Variants in GABRG3 observed in about 807,000 individuals in gnomAD.
GABRG3 encodes gamma-aminobutyric acid receptor subunit gamma-3.
GABRG3 carries 25 observed loss-of-function variants against 48.8 expected under a neutral mutation model. The observed-to-expected ratio is 0.51, with a 90% CI of 0.37 to 0.72. GABRG3 has a LOEUF of 0.72. Ranked by LOEUF, GABRG3 falls within the 30% of genes least tolerant of loss-of-function variation. The probability of loss-of-function intolerance (pLI) is 0.00; values close to 1 mark genes in which losing one functional copy is unlikely to be tolerated. For synonymous variants in GABRG3, 227 were observed against 217.6 expected, an observed-to-expected ratio of 1.04 and a Z score of -0.38; for missense variants, 394 against 577.9, an observed-to-expected ratio of 0.68 and a Z score of 3.26.
intron 3 of GABRG3, among the ~76,000 whole-genome samples, chr15:27,241,571 T>C (rs897177): frequency 0.33 from 49,639 of 152,140 alleles, 12,475 homozygotes; most frequent in African/African-American, 0.69. Context: ...AGGCATTCAG[T>C]GACAGGACTG....
intron 6 of GABRG3, among the ~76,000 whole-genome samples, chr15:27,484,081 C>T (rs545255716): frequency 1.3e-5 from 2 of 152,226 alleles, no homozygotes; most frequent in East Asian, 1.9e-4. Flanking sequence ...ATTACAGGCT[C>T]CTGCCACCAC....
chr15:27,434,830 C>T (rs920390283), intron 5 of GABRG3, among the ~76,000 whole-genome samples: 3 of 152,206 alleles, frequency 2.0e-5, no homozygotes, highest in Admixed American at 6.5e-5. Flanking sequence ...GAAAAGGTAT[C>T]TTCCTGCATC....
intron 9 of GABRG3, among the ~76,000 whole-genome samples, chr15:27,529,690 C>A (rs555405135): frequency 2.0e-4 from 30 of 152,134 alleles, no homozygotes; most frequent in Admixed American, 5.2e-4. Context: ...ATTTTGCCAA[C>A]AAATGCTTCC....
At chr15:27,243,059 G>A (rs554939105) in intron 3 of GABRG3, among the ~76,000 whole-genome samples, 1 of 152,252 alleles carries the variant, frequency 6.6e-6, no homozygotes, top group East Asian at 1.9e-4. Flanking sequence ...AGATGATTAC[G>A]ACCCGTAGCG....
Position 27,179,956 on chromosome 15 carries a change from G to A in GABRG3, c.271-146853G>A, listed in dbSNP as rs370689114. Among the ~76,000 whole-genome samples, 53 of 152,218 alleles carry A rather than the reference G, an allele frequency of 3.5e-4. No homozygotes were observed. The highest frequency in any genetic ancestry group is 3.4e-3 in the Middle Eastern group (1 of 294). ...CGCCTCCTAGATGAGGCTGGGCGTG[G>A]CTCTGAAGAGCTGCAGCACTTCTCT... On this transcript the variant is annotated intron_variant, in intron 3 of 9. Transcript: ENST00000615808. The surrounding 1 kb of genome is among the most constrained non-coding windows in gnomAD (Gnocchi z 4.0).
intron 6 of GABRG3, among the ~76,000 whole-genome samples, chr15:27,492,143 C>G (rs541205107): frequency 2.0e-5 from 3 of 152,266 alleles, no homozygotes; most frequent in African/African-American, 7.2e-5. Flanking sequence ...TAATTATGCT[C>G]AACTTAGAAC....
chr15:27,416,295 T>C lies in GABRG3; in HGVS notation c.575-64355T>C, dbSNP rs1224868061. ...GTCCTGTGATTGGGTCTCAGGCTTT[T>C]AATGAGCCTGTGCCACTTGACTGAA... On this transcript the variant is annotated intron_variant, in intron 5 of 9. Transcript: ENST00000615808. 2.0e-5 allele frequency among the ~76,000 whole-genome samples: 3 copies of C among 152,136 alleles called. 1 individual carries two copies. In the East Asian group the frequency reaches 5.8e-4, roughly 29 times the overall value.
intron 5 of GABRG3, among the ~76,000 whole-genome samples, chr15:27,370,110 T>C (rs1038077029): frequency 1.3e-5 from 2 of 152,226 alleles, no homozygotes; most frequent in African/African-American, 4.8e-5. Context: ...CAGCAGCAAA[T>C]GCATTGAAAG....
intron 6 of GABRG3, among the ~76,000 whole-genome samples, chr15:27,506,502 A>G (rs1480703129): frequency 6.6e-6 from 1 of 152,268 alleles, no homozygotes; most frequent in South Asian, 2.1e-4. Context: ...AAGGGACTCA[A>G]TCTTGTAGCC....
At position 27,265,571 on chromosome 15, in the gene GABRG3, G is replaced by A. The variant is rs550393435; in HGVS notation, c.271-61238G>A. Among the ~76,000 whole-genome samples the A allele has an allele frequency of 4.3e-4, 65 of 152,144 alleles. 1 individual carries two copies. The highest frequency in any genetic ancestry group is 7.9e-4 in the Non-Finnish European group (54 of 68,038). On this transcript the variant is annotated intron_variant, in intron 3 of 9. Coordinates refer to ENST00000615808, the MANE Select transcript of GABRG3 (RefSeq NM_033223.5). The stretch of plus-strand genomic sequence containing the variant: ...TCACATCGGAGCGAAGGGAAGCGCC[G>A]AAAGCATTAGGCAGGGAGTTACATG...
chr15:27,008,051 C>T (rs1895620768), intron 2 of GABRG3, among the ~76,000 whole-genome samples: 2 of 152,172 alleles, frequency 1.3e-5, no homozygotes, highest in Admixed American at 1.3e-4. Flanking sequence ...CATACTACAG[C>T]TAGTGTTACA....
chr15:27,308,508 C>CAT (rs906346315), intron 3 of GABRG3, among the ~76,000 whole-genome samples: 15 of 146,562 alleles, frequency 1.0e-4, no homozygotes, highest in Admixed American at 8.9e-4. Flanking sequence ...TTTATATAAA[C>CAT]ATAATGTAAA....
intron 3 of GABRG3, among the ~76,000 whole-genome samples, chr15:27,126,950 G>T (rs1029937): frequency 6.6e-6 from 1 of 152,064 alleles, no homozygotes; most frequent in Non-Finnish European, 1.5e-5. Context: ...AACTTGGAAG[G>T]CAGGTCAGGC....
At chr15:27,389,138 AATTTAC>A (rs1896144480) in intron 5 of GABRG3, among the ~76,000 whole-genome samples, 2 of 152,212 alleles carry the variant, frequency 1.3e-5, no homozygotes, top group African/African-American at 4.8e-5. Flanking sequence ...GTAAATGGGA[AATTTAC>A]ACACAAGAAA....
intron 3 of GABRG3, among the ~76,000 whole-genome samples, chr15:27,100,217 CAAAAAAA>C (rs36148252): frequency 2.3e-5 from 3 of 130,880 alleles, no homozygotes; most frequent in African/African-American, 5.4e-5. Flanking sequence ...GACCCTGTCT[CAAAAAAA>C]AAAAAAAAAA....
chr15:27,180,115 T>C lies in GABRG3; in HGVS notation c.271-146694T>C, dbSNP rs1887879506. The stretch of plus-strand genomic sequence containing the variant: ...ACTGTGGGGCTCGTTGCACTTGTTT[T>C]ACCAATCACAGAGCTCACAAAGAAG... On this transcript the variant is annotated intron_variant, in intron 3 of 9. Transcript: ENST00000615808. This position sits in a 1 kb window ranked among gnomAD's most constrained non-coding sequence, Gnocchi z 4.2. 6.6e-6 allele frequency among the ~76,000 whole-genome samples: 1 copy of C among 152,022 alleles called. No individual in the cohort carries two copies. The highest frequency in any genetic ancestry group is 2.4e-5 in the African/African-American group (1 of 41,304).
chr15:27,439,503 T>C (rs534078088), intron 5 of GABRG3, among the ~76,000 whole-genome samples: 38 of 152,146 alleles, frequency 2.5e-4, no homozygotes, highest in Non-Finnish European at 4.4e-4. Flanking sequence ...CTCAGAATCA[T>C]TCCCTACACC....
intron 3 of GABRG3, among the ~76,000 whole-genome samples, chr15:27,080,415 C>T (rs72715955): frequency 0.19 from 29,495 of 152,110 alleles, 2,946 homozygotes; most frequent in Middle Eastern, 0.25. Flanking sequence ...TGAGCCACTC[C>T]AGCCTGGGTG....
At chr15:27,127,965 A>G (rs1010116533) in intron 3 of GABRG3, among the ~76,000 whole-genome samples, 1 of 152,180 alleles carries the variant, frequency 6.6e-6, no homozygotes, top group African/African-American at 2.4e-5. Flanking sequence ...TCCTCAGTAG[A>G]TAAGAGATTA....
Sources: allele counts gnomAD v4.1 joint callset (sites outside exome capture counted in the v4.1 genomes callset), GRCh38; gene constraint gnomAD v4.1.1; non-coding constraint Gnocchi (gnomAD v3.1); transcripts MANE v1.5; gene names NCBI Gene and HGNC (gene_info 2026-07-23, HGNC 2026-07-21).